Variants in GRK4 observed in about 807,000 individuals in gnomAD.
GRK4 encodes the protein G protein-coupled receptor kinase 2-like.
In GRK4, 73 loss-of-function variants were observed where a neutral mutation model predicts 77.9. That is an observed-to-expected ratio of 0.94 (90% confidence interval 0.78 to 1.14). The LOEUF (loss-of-function observed/expected upper bound fraction) is 1.14. Among genes scored for constraint, GRK4 ranks in the 50% most tolerant of loss-of-function variants. The probability of loss-of-function intolerance (pLI) is 0.00; values close to 1 mark genes in which losing one functional copy is unlikely to be tolerated. For synonymous variants in GRK4, 257 were observed against 254.4 expected, an observed-to-expected ratio of 1.01 and a Z score of -0.10; for missense variants, 729 against 700.2, an observed-to-expected ratio of 1.04 and a Z score of -0.46.
At position 3,037,451 on chromosome 4, in the gene GRK4, A is replaced by C; in HGVS notation, c.1485A>C (p.Ala495=). 6.2e-7 allele frequency: 1 copy of C among 1,612,294 alleles called. No individual in the cohort carries two copies. ...TGAAAGGGATCTACCTGGACACCGC[A>C]GATGAAGACTTCTATGCTCGGTTTG... ...SVVKGIYLDT[A]DEDFYARFAT... is the part of the protein sequence containing the mutation. The change falls in exon 14 of 16, where the codon GCA becomes GCC. Residue 495 remains alanine (A), a synonymous_variant. Transcript: ENST00000398052.
At chr4:3,022,562 T>A in intron 10 of GRK4, 111 bp downstream of exon 10, 3 of 949,028 alleles carry the variant, frequency 3.2e-6, no homozygotes, top group Non-Finnish European at 4.8e-6. Flanking sequence ...ATGGAAACAA[T>A]AACAAAAAGA....
At chr4:3,031,419 G>A (rs1432188070) in intron 12 of GRK4, among the ~76,000 whole-genome samples, 1 of 152,182 alleles carries the variant, frequency 6.6e-6, no homozygotes, top group Non-Finnish European at 1.5e-5. Flanking sequence ...GGGAGTGGCC[G>A]TGGTTGTGTG....
At position 2,972,542 on chromosome 4, in the gene GRK4, TTCTC is replaced by T. The variant is rs149550794; in HGVS notation, c.52+8434_52+8437del. Among the ~76,000 whole-genome samples, 24 of 150,346 alleles carry T rather than the reference TTCTC, an allele frequency of 1.6e-4. 1 individual carries two copies. The highest frequency in any genetic ancestry group is 1.1e-3 in the Admixed American group (17 of 15,116). On this transcript the variant is annotated intron_variant, in intron 1 of 15. Transcript: ENST00000398052. ...CAAACCTGCGGGGGGGGGCCCTTTC[TTCTC>T]TCTCTCTCTCTCTTTAACCTGTGAC...
intron 9 of GRK4, among the ~76,000 whole-genome samples, chr4:3,021,496 A>G (rs548530512): frequency 0.011 from 1,601 of 152,160 alleles, 16 homozygotes; most frequent in Non-Finnish European, 0.015. Context: ...TATATATCCC[A>G]CAGCCAATAT....
chr4:2,971,212 C>T (rs1321703304), intron 1 of GRK4: 1 of 152,142 alleles, frequency 6.6e-6, no homozygotes, highest in Non-Finnish European at 1.5e-5. Context: ...TATTCAGTCT[C>T]CAGTAAATAT....
At chr4:2,988,434 A>T (rs568604970) in intron 2 of GRK4, among the ~76,000 whole-genome samples, 116 of 152,140 alleles carry the variant, frequency 7.6e-4, no homozygotes, top group Admixed American at 2.4e-3. Flanking sequence ...GAGGTATAAG[A>T]TTTCTTTCTA....
intron 2 of GRK4, among the ~76,000 whole-genome samples, chr4:2,984,945 T>C (rs1723838414): frequency 6.6e-6 from 1 of 151,802 alleles, no homozygotes; most frequent in African/African-American, 2.4e-5. Context: ...CTATGCCCGC[T>C]CCCCATTAGA....
intron 1 of GRK4, among the ~76,000 whole-genome samples, chr4:2,968,013 A>G (rs1718306496): frequency 6.7e-6 from 1 of 148,766 alleles, no homozygotes; most frequent in Non-Finnish European, 1.5e-5. Flanking sequence ...CTGGTCTCGA[A>G]CTCCTGATCA....
At chr4:3,009,035 T>C (rs1163194617) in intron 6 of GRK4, among the ~76,000 whole-genome samples, 1 of 152,206 alleles carries the variant, frequency 6.6e-6, no homozygotes, top group Non-Finnish European at 1.5e-5. Flanking sequence ...GTTATGAACA[T>C]ACATATTTCC....
intron 1 of GRK4, among the ~76,000 whole-genome samples, chr4:2,971,600 A>T (rs993064579): frequency 1.3e-5 from 2 of 152,196 alleles, no homozygotes; most frequent in Non-Finnish European, 2.9e-5. Context: ...GAAAGCGGGG[A>T]GGACAGTATT....
chr4:3,014,296 C>CTTTTTT (rs60684225), intron 8 of GRK4, among the ~76,000 whole-genome samples: 2,846 of 118,854 alleles, frequency 0.024, 82 homozygotes, highest in African/African-American at 0.032. Flanking sequence ...CTCTCTCTCT[C>CTTTTTT]TTTTTTTTTT....
At chr4:3,031,985 G>C (rs558180657) in intron 12 of GRK4, among the ~76,000 whole-genome samples, 4 of 152,242 alleles carry the variant, frequency 2.6e-5, no homozygotes, top group African/African-American at 9.6e-5. Context: ...GGGTGCTACA[G>C]GCTCGTCCTG....
chr4:2,997,593 C>G (rs1272546209), intron 4 of GRK4, among the ~76,000 whole-genome samples: 1 of 152,044 alleles, frequency 6.6e-6, no homozygotes, highest in Non-Finnish European at 1.5e-5. Context: ...TATGAAATAC[C>G]CACAGCCAAC....
chr4:3,018,694 A>C (rs756643994), intron 8 of GRK4, among the ~76,000 whole-genome samples: 1 of 152,186 alleles, frequency 6.6e-6, no homozygotes, highest in South Asian at 2.1e-4. Flanking sequence ...CCTGGCCAAC[A>C]TGGTGAAACC....
At position 2,964,085 on chromosome 4, in the gene GRK4, C is replaced by T. The variant is rs1258679047; in HGVS notation, c.15C>T (p.Asn5=). The change falls in exon 1 of 16, where the codon AAC becomes AAT. Residue 5 remains asparagine (N), a synonymous_variant. Transcript: ENST00000398052. The part of the protein sequence containing the change: MELE[N]IVANSLLLKA... Reference sequence around the variant, plus strand: ...GGCGCCAGGACATGGAGCTCGAGAACATCGTGGCCAACTCGCTGCTGCTGA... The same window carrying T: ...GGCGCCAGGACATGGAGCTCGAGAATATCGTGGCCAACTCGCTGCTGCTGA... The T allele has an allele frequency of 1.9e-6, 3 of 1,609,194 alleles. No homozygotes were observed. Among genetic ancestry groups the T allele is most frequent in the East Asian group, 2.2e-5 (1 of 44,726 alleles).
chr4:3,033,245 A>AAAAGAAAGAAAGAAAGG (rs367659191), intron 12 of GRK4, among the ~76,000 whole-genome samples: 1 of 152,142 alleles, frequency 6.6e-6, no homozygotes, highest in Non-Finnish European at 1.5e-5. Context: ...GAAAGAAAAG[A>AAAAGAAAGAAAGAAAGG]AAAGAAAGAA....
intron 6 of GRK4, among the ~76,000 whole-genome samples, chr4:3,008,573 C>T (rs549634120): frequency 2.6e-5 from 4 of 152,170 alleles, no homozygotes; most frequent in African/African-American, 9.6e-5. Context: ...GAGGCCGAGG[C>T]GGGTGGATCA....
intron 4 of GRK4, among the ~76,000 whole-genome samples, chr4:2,994,079 T>C (rs925143900): frequency 5.9e-5 from 9 of 152,326 alleles, no homozygotes; most frequent in African/African-American, 2.2e-4. Context: ...ATGAGTTTTC[T>C]ACCCCAGCCT....
intron 13 of GRK4, 88 bp from the exon 14 acceptor site, chr4:3,037,286 A>T: frequency 7.6e-7 from 1 of 1,311,176 alleles, no homozygotes; most frequent in Non-Finnish European, 1.1e-6. Flanking sequence ...TTTATGCGTC[A>T]GTTTGCTGGG....
Sources: gnomAD v4.1 joint callset for allele counts (sites outside exome capture counted in the v4.1 genomes callset) on GRCh38, gnomAD v4.1.1 for gene constraint, MANE v1.5 for transcripts, NCBI Gene and HGNC (gene_info 2026-07-23, HGNC 2026-07-21) for gene names.